The following ALOX5 variants were observed in gnomAD, a reference collection of about 807,000 sequenced individuals.
The protein encoded by ALOX5 is arachidonate 5-lipoxygenase.
In ALOX5, 64 loss-of-function variants were observed where a neutral mutation model predicts 87.9. The ratio of observed to expected loss-of-function variants is 0.73; its 90% CI spans 0.60 to 0.90. The LOEUF is 0.90. ALOX5 is among the 40% of genes least tolerant of loss of function. ALOX5 has a pLI of 0.00. For synonymous variants in ALOX5, 388 were observed against 355.1 expected (o/e 1.09, Z -1.04); for missense variants, 822 against 907.5 (o/e 0.91, Z 1.21).
intron 1 of ALOX5, among the ~76,000 whole-genome samples, chr10:45,380,937 A>G (rs11239496): frequency 0.077 from 11,791 of 152,272 alleles, 673 homozygotes; most frequent in Non-Finnish European, 0.11. Flanking sequence ...GTGAGACTCC[A>G]CCTCAAAATA....
chr10:45,443,237 G>C (rs775481349), intron 10 of ALOX5, 21 bp downstream of exon 10: 1 of 1,607,326 alleles, frequency 6.2e-7, no homozygotes, highest in Non-Finnish European at 8.5e-7. Context: ...GCGGGGCGGT[G>C]GTCCTGGGGG....
At chr10:45,428,288 C>G in intron 6 of ALOX5, 1 of 374,586 alleles carries the variant, frequency 2.7e-6, no homozygotes, top group South Asian at 5.2e-5. Context: ...TTTAACTCGT[C>G]ACATCTATTT....
chr10:45,435,704 C>T (rs1842043726), intron 7 of ALOX5, among the ~76,000 whole-genome samples: 1 of 152,212 alleles, frequency 6.6e-6, no homozygotes, highest in Admixed American at 6.5e-5. Context: ...AGGTTGATTA[C>T]ATGATTTTGA....
At chr10:45,412,122 G>A (rs200822559) in intron 3 of ALOX5, 69 bp from the exon 4 acceptor site, 125 of 1,594,552 alleles carry the variant, frequency 7.8e-5, no homozygotes, top group Admixed American at 2.9e-4. Context: ...CAGTGTGGGC[G>A]GCCCTCAGCT....
Position 45,384,833 on chromosome 10 carries a change from C to CTATTATTAT in ALOX5, c.349+2169_349+2177dup, listed in dbSNP as rs369749993. On this transcript the variant is annotated intron_variant, in intron 2 of 13. Coordinates refer to ENST00000374391, the MANE Select transcript of ALOX5 (RefSeq NM_000698.5). ...GAAGGAATGTCAAAGAATTTGTGGC[C>CTATTATTAT]TATTATTATTATTATTATTATTATT... 6.2e-3 allele frequency among the ~76,000 whole-genome samples: 925 copies of CTATTATTAT among 149,230 alleles called. 4 individuals carry two copies. The highest frequency in any genetic ancestry group is 0.019 in the African/African-American group (788 of 40,568).
In ALOX5 at chr10:45,443,822, C is replaced by T; in HGVS notation, c.1668C>T (p.Phe556=). ...CCGCCCAGCACGCCGCGGTCAACTT[C>T]GGCCAGGTAGGCAGGGCCGGGCCCG... ...TASAQHAAVN[F]GQYDWCSWIP... Residue 556 remains phenylalanine (F), a synonymous_variant, in exon 12 of 14, where the codon TTC becomes TTT. Coordinates refer to ENST00000374391, the MANE Select transcript of ALOX5 (RefSeq NM_000698.5). 6.2e-7 allele frequency: 1 copy of T among 1,605,816 alleles called. No individual in the cohort carries two copies. The highest frequency in any genetic ancestry group is 2.3e-5 in the East Asian group (1 of 44,188).
chr10:45,409,521 C>CTT (rs1314323103), intron 3 of ALOX5, among the ~76,000 whole-genome samples: 1 of 151,134 alleles, frequency 6.6e-6, no homozygotes, highest in Non-Finnish European at 1.5e-5. Context: ...CTCTCTCTCT[C>CTT]TCTCTCTCTC....
chr10:45,421,985 G>A (rs941071599), intron 4 of ALOX5, among the ~76,000 whole-genome samples: 2 of 152,210 alleles, frequency 1.3e-5, no homozygotes, highest in East Asian at 3.9e-4. Context: ...TGTGGCCCCA[G>A]GACCCTCTCC....
chr10:45,428,842 C>A, intron 7 of ALOX5, 78 bp downstream of exon 7: 2 of 1,552,692 alleles, frequency 1.3e-6, no homozygotes, highest in Non-Finnish European at 1.8e-6. Context: ...TCCATTCACA[C>A]TCCAGCTGAG....
chr10:45,391,329 G>A (rs141217183), intron 2 of ALOX5, among the ~76,000 whole-genome samples: 10,192 of 152,176 alleles, frequency 0.067, 441 homozygotes, highest in East Asian at 0.18. Flanking sequence ...TCCTAACCGC[G>A]AGTGATCCGC....
Position 45,428,691 on chromosome 10 carries a change from T to G in ALOX5, c.908T>G (p.Leu303Arg). 5 of 1,614,034 alleles carry G rather than the reference T, an allele frequency of 3.1e-6. No individual in the cohort carries two copies. In the Middle Eastern group the frequency reaches 5.0e-4, roughly 160 times the overall value. ...GCCAACAAAACAGACCCCTGCACAC[T>G]CCAGTTCCTGGCCGCTCCCATCTGC... ...IDANKTDPCT[L>R]QFLAAPICLL... The change falls in exon 7 of 14, where the codon CTC (leucine) becomes CGC (arginine). Residue 303 changes from leucine (L) to arginine (R), a missense_variant. Transcript: ENST00000374391.
intron 1 of ALOX5, among the ~76,000 whole-genome samples, chr10:45,381,675 C>G (rs1839834548): frequency 6.6e-6 from 1 of 152,250 alleles, no homozygotes; most frequent in Non-Finnish European, 1.5e-5. Flanking sequence ...GGGCATCTCC[C>G]CATCCTCCAG....
intron 6 of ALOX5, 67 bp from the exon 7 acceptor site, chr10:45,428,551 T>C (rs1841807653): frequency 6.3e-7 from 1 of 1,594,940 alleles, no homozygotes; most frequent in South Asian, 1.1e-5. Context: ...TCATCACTCT[T>C]TCCCCAGGCC....
intron 2 of ALOX5, among the ~76,000 whole-genome samples, chr10:45,390,713 G>A (rs1840188349): frequency 6.6e-6 from 1 of 152,206 alleles, no homozygotes; most frequent in South Asian, 2.1e-4. Context: ...GAAATTTATA[G>A]CACTACATGC....
chr10:45,434,059 C>T (rs948284106), intron 7 of ALOX5, among the ~76,000 whole-genome samples: 3 of 152,212 alleles, frequency 2.0e-5, no homozygotes, highest in East Asian at 1.9e-4. Context: ...ATTTATTTCT[C>T]AGGGCTAGCT....
intron 7 of ALOX5, among the ~76,000 whole-genome samples, chr10:45,430,991 G>A (rs753408493): frequency 1.1e-4 from 16 of 152,180 alleles, no homozygotes; most frequent in Admixed American, 8.5e-4. Context: ...TGATATTAGC[G>A]AAGTGAGTGC....
chr10:45,394,635 C>T (rs147495166), intron 2 of ALOX5, among the ~76,000 whole-genome samples: 4,198 of 152,144 alleles, frequency 0.028, 215 homozygotes, highest in African/African-American at 0.096. Context: ...AGCTTCTGCA[C>T]AGCAAAAGAA....
intron 4 of ALOX5, among the ~76,000 whole-genome samples, chr10:45,417,592 C>T (rs752772017): frequency 3.3e-5 from 5 of 152,170 alleles, no homozygotes; most frequent in Non-Finnish European, 7.4e-5. Flanking sequence ...AGTGGGAGGG[C>T]TTATTCTCAA....
At chr10:45,408,884 G>A (rs1699265420) in intron 3 of ALOX5, among the ~76,000 whole-genome samples, 1 of 152,120 alleles carries the variant, frequency 6.6e-6, no homozygotes, top group Non-Finnish European at 1.5e-5. Context: ...GCACTTCCTG[G>A]CACATAGTAG....
Sources: gnomAD v4.1 joint callset for allele counts (sites outside exome capture counted in the v4.1 genomes callset) on GRCh38, gnomAD v4.1.1 for gene constraint, MANE v1.5 for transcripts, NCBI Gene and HGNC (gene_info 2026-07-23, HGNC 2026-07-21) for gene names.